USP25: variants seen among roughly 807,000 people sequenced by gnomAD.
The protein encoded by USP25 is ubiquitin specific peptidase 25, also known as ubiquitin carboxyl-terminal hydrolase 25.
Under a neutral mutation model 158.5 loss-of-function variants are expected in USP25, and 85 were observed. The ratio of observed to expected loss-of-function variants is 0.54; its 90% CI spans 0.45 to 0.64. USP25 has a LOEUF of 0.64. Among genes scored for constraint, USP25 ranks in the 30% least tolerant of loss-of-function variants. The pLI is 0.00. For missense variants in USP25, 1,242 were observed against 1,327.3 expected, an observed-to-expected ratio of 0.94 and a Z score of 1.00; for synonymous variants, 464 against 460.4, an observed-to-expected ratio of 1.01 and a Z score of -0.10.
chr21:15,811,231 T>G, intron 9 of USP25, 21 bp downstream of exon 9: 4 of 1,585,640 alleles, frequency 2.5e-6, no homozygotes, highest in Non-Finnish European at 3.4e-6. Context: ...ACATTTACTT[T>G]TTATTGCAAG....
Position 15,816,446 on chromosome 21 carries a change from T to A in USP25, c.932-2252T>A, listed in dbSNP as rs1358956454. ...GACTCTTAACCTCTTCTTCCTCCTT[T>A]TTCCTATTCTTTCCTTAAAAACACA... On this transcript the variant is annotated intron_variant, in intron 9 of 25. Transcript: ENST00000400183. This position sits in a 1 kb window ranked among gnomAD's most constrained non-coding sequence, Gnocchi z 4.0. 2.0e-5 allele frequency among the ~76,000 whole-genome samples: 3 copies of A among 152,218 alleles called. No homozygotes were observed. Among genetic ancestry groups the A allele is most frequent in the Admixed American group, 6.5e-5 (1 of 15,282 alleles).
At chr21:15,812,055 A>G (rs2036687472) in intron 9 of USP25, among the ~76,000 whole-genome samples, 1 of 151,942 alleles carries the variant, frequency 6.6e-6, no homozygotes, top group African/African-American at 2.4e-5. Context: ...AGTCTTAGTG[A>G]CATGTTCGTA....
chr21:15,870,402 A>G (rs372208903), intron 23 of USP25, among the ~76,000 whole-genome samples: 27 of 152,266 alleles, frequency 1.8e-4, no homozygotes, highest in African/African-American at 6.3e-4. Flanking sequence ...GCTCTCAAAC[A>G]CTACCCTTGA....
At chr21:15,808,393 C>T (rs1019629023) in intron 7 of USP25, among the ~76,000 whole-genome samples, 1 of 152,110 alleles carries the variant, frequency 6.6e-6, no homozygotes, top group African/African-American at 2.4e-5. Context: ...GACTAGTCTT[C>T]CTTCTAAGAG....
chr21:15,757,338 C>T (rs936743653), intron 1 of USP25, among the ~76,000 whole-genome samples: 5 of 152,058 alleles, frequency 3.3e-5, no homozygotes, highest in African/African-American at 1.2e-4. Context: ...GGCCTTCTCC[C>T]CGATCACCAG....
intron 1 of USP25, chr21:15,744,315 T>TG (rs2032335493): frequency 6.6e-6 from 1 of 151,350 alleles, no homozygotes; most frequent in South Asian, 2.1e-4. Flanking sequence ...CCTTAGGGTC[T>TG]GCGTTTTTTT....
intron 4 of USP25, among the ~76,000 whole-genome samples, chr21:15,785,330 T>C (rs2035210375): frequency 6.6e-6 from 1 of 152,076 alleles, no homozygotes; most frequent in Admixed American, 6.6e-5. Flanking sequence ...CTTTTAACAG[T>C]AGACAAATGA....
At chr21:15,878,099 A>G (rs1460711102) in intron 25 of USP25, 108 bp downstream of exon 25, 10 of 1,016,262 alleles carry the variant, frequency 9.8e-6, no homozygotes, top group Admixed American at 3.0e-5. Context: ...AATATTAAGT[A>G]TTAATATTTT....
intron 8 of USP25, 111 bp from the exon 9 acceptor site, chr21:15,811,026 T>C (rs2036632548): frequency 2.2e-6 from 2 of 893,400 alleles, no homozygotes; most frequent in Non-Finnish European, 3.5e-6. Context: ...TGCAAGTGCG[T>C]GATAGCCACA....
At chr21:15,749,906 G>A (rs1013979535) in intron 1 of USP25, among the ~76,000 whole-genome samples, 3 of 152,104 alleles carry the variant, frequency 2.0e-5, no homozygotes, top group Non-Finnish European at 4.4e-5. Context: ...TAAATATTTG[G>A]TCTTTTTCCC....
chr21:15,874,833 G>A (rs1039419303), intron 24 of USP25, among the ~76,000 whole-genome samples: 1 of 152,122 alleles, frequency 6.6e-6, no homozygotes, highest in Non-Finnish European at 1.5e-5. Context: ...GAGAGGAAGG[G>A]ATGCATAGAT....
intron 4 of USP25, among the ~76,000 whole-genome samples, chr21:15,783,301 G>C (rs952736515): frequency 4.6e-5 from 7 of 152,102 alleles, no homozygotes; most frequent in Non-Finnish European, 1.0e-4. Flanking sequence ...GGGAGTGCCA[G>C]AGAAAGAATA....
At position 15,805,270 on chromosome 21, in the gene USP25, G is replaced by A; in HGVS notation, c.780+12G>A. ...ATGACTCACAGCAGGTAGTTCTGTTGCACTGACTTGTTCATTAACCATTTG... is the reference window on the plus strand; with the variant it reads ...ATGACTCACAGCAGGTAGTTCTGTTACACTGACTTGTTCATTAACCATTTG... On this transcript the variant is annotated intron_variant, in intron 7 of 25. Transcript: ENST00000400183. 1 of 1,578,150 alleles carries A rather than the reference G, an allele frequency of 6.3e-7. No individual in the cohort carries two copies. The highest frequency in any genetic ancestry group is 8.6e-7 in the Non-Finnish European group (1 of 1,166,998).
chr21:15,814,424 T>C (rs2036831222), intron 9 of USP25, among the ~76,000 whole-genome samples: 1 of 151,660 alleles, frequency 6.6e-6, no homozygotes, highest in Non-Finnish European at 1.5e-5. Context: ...CAGGCAGAGG[T>C]TGGAACAGTT....
chr21:15,730,526 G>A, intron 1 of USP25, 88 bp downstream of exon 1: 1 of 1,272,196 alleles, frequency 7.9e-7, no homozygotes, highest in Non-Finnish European at 1.0e-6. Flanking sequence ...CGGCCTCGCC[G>A]CCGCCGCCTT....
chr21:15,826,002 C>T lies in USP25; in HGVS notation c.1305-202C>T, dbSNP rs1180724383. Among the ~76,000 whole-genome samples the T allele has an allele frequency of 6.6e-6, 1 of 152,106 alleles. No homozygotes were observed. The highest frequency in any genetic ancestry group is 1.5e-5 in the Non-Finnish European group (1 of 68,030). On this transcript the variant is annotated intron_variant, in intron 12 of 25. Transcript: ENST00000400183. This position sits in a 1 kb window ranked among gnomAD's most constrained non-coding sequence, Gnocchi z 4.8. Reference sequence around the variant, plus strand: ...GTATATACTCACATTCAGTCCCAATCGGCCTTGGTTTCCTGTCTTTGGGGA... The same window carrying T: ...GTATATACTCACATTCAGTCCCAATTGGCCTTGGTTTCCTGTCTTTGGGGA...
At chr21:15,759,703 C>T (rs920214586) in intron 1 of USP25, among the ~76,000 whole-genome samples, 14 of 152,074 alleles carry the variant, frequency 9.2e-5, no homozygotes, top group African/African-American at 3.4e-4. Flanking sequence ...ATGTTTCTTA[C>T]CAGACTTAAG....
intron 4 of USP25, among the ~76,000 whole-genome samples, chr21:15,787,965 T>C (rs1174541283): frequency 7.8e-6 from 1 of 127,716 alleles, no homozygotes; most frequent in Non-Finnish European, 1.6e-5. Context: ...ATCTACCATA[T>C]GTAAATGCTT....
chr21:15,819,385 TTTC>T (rs749749123), intron 10 of USP25, among the ~76,000 whole-genome samples: 8 of 152,200 alleles, frequency 5.3e-5, no homozygotes, highest in Non-Finnish European at 1.2e-4. Flanking sequence ...GCCATCTCTG[TTTC>T]TTTATCCATC....
Sources: allele counts gnomAD v4.1 joint callset (sites outside exome capture counted in the v4.1 genomes callset), GRCh38; gene constraint gnomAD v4.1.1; non-coding constraint Gnocchi (gnomAD v3.1); transcripts MANE v1.5; gene names NCBI Gene and HGNC (gene_info 2026-07-23, HGNC 2026-07-21).